PKHD1L1: variants seen among roughly 807,000 people sequenced by gnomAD.
PKHD1L1 encodes PKHD1 like 1.
In PKHD1L1, 434 loss-of-function variants were observed where a neutral mutation model predicts 462.9. The observed-to-expected ratio is 0.94, with a 90% CI of 0.87 to 1.02. The LOEUF (loss-of-function observed/expected upper bound fraction) is 1.02. PKHD1L1 is among the 50% of genes least tolerant of loss of function. The pLI is 0.00. For missense variants in PKHD1L1, 5,202 were observed against 5,096.1 expected (o/e 1.02, Z -0.63); for synonymous variants, 1,781 against 1,750.0 (o/e 1.02, Z -0.44).
At chr8:109,482,929 C>A in intron 56 of PKHD1L1, 58 bp from the exon 57 acceptor site, 2 of 1,000,324 alleles carry the variant, frequency 2.0e-6, no homozygotes, top group Non-Finnish European at 2.8e-6. Flanking sequence ...TCATTTTATA[C>A]TAGCACCTAA....
intron 4 of PKHD1L1, among the ~76,000 whole-genome samples, 155 bp from the exon 5 acceptor site, chr8:109,383,915 A>G (rs1392043522): frequency 6.6e-6 from 1 of 152,164 alleles, no homozygotes; most frequent in African/African-American, 2.4e-5. Context: ...CCTCTAATTT[A>G]ACTCTTAGGT....
chr8:109,465,315 G>T, intron 49 of PKHD1L1, 70 bp downstream of exon 49: 1 of 1,494,444 alleles, frequency 6.7e-7, no homozygotes, highest in Non-Finnish European at 9.0e-7. Context: ...GAATTGAATT[G>T]TTAAAGCAGA....
intron 2 of PKHD1L1, among the ~76,000 whole-genome samples, chr8:109,377,763 GAGAA>G (rs1389222821): frequency 1.3e-5 from 2 of 151,964 alleles, no homozygotes; most frequent in African/African-American, 4.8e-5. Flanking sequence ...TTTTTATTAG[GAGAA>G]CATTTAATTA....
intron 25 of PKHD1L1, among the ~76,000 whole-genome samples, chr8:109,429,014 G>A (rs2130685433): frequency 6.6e-6 from 1 of 152,052 alleles, no homozygotes. Flanking sequence ...AAAAGCATAG[G>A]ACATTTTGAG....
In PKHD1L1 at chr8:109,491,955, A is replaced by G; in HGVS notation, c.10197A>G (p.Arg3399=). ...TTTGGCCAGGAACCTATCAGAACAG[A>G]AAAGATTTAAGTTCAACTCTCTGGC... ...LSVWPGTYQN[R]KDLSSTLWHA... Residue 3399 remains arginine (R), a synonymous_variant, in exon 62 of 78, where the codon AGA becomes AGG. Transcript: ENST00000378402. The G allele has an allele frequency of 1.9e-6, 3 of 1,588,968 alleles. No individual in the cohort carries two copies. In the South Asian group the frequency reaches 3.4e-5, roughly 18 times the overall value.
At chr8:109,494,036 C>A (rs1437549064) in intron 63 of PKHD1L1, among the ~76,000 whole-genome samples, 2 of 151,732 alleles carry the variant, frequency 1.3e-5, no homozygotes, top group African/African-American at 4.8e-5. Flanking sequence ...CTCATCCCAC[C>A]ACCATTTTTA....
chr8:109,400,402 T>C, intron 13 of PKHD1L1, 58 bp downstream of exon 13: 5 of 1,507,102 alleles, frequency 3.3e-6, no homozygotes, highest in Non-Finnish European at 4.5e-6. Context: ...GATATTTATA[T>C]GTATCTTACT....
chr8:109,393,316 C>T lies in PKHD1L1; in HGVS notation c.741-1099C>T, dbSNP rs1232697578. 2.0e-5 allele frequency among the ~76,000 whole-genome samples: 3 copies of T among 151,878 alleles called. No homozygotes were observed. The East Asian group carries it at 5.8e-4, about 29-fold the overall frequency. ...TACATTATTCTTTTAGATTCTAATT[C>T]AGTGTGATTATGATGAATGAGATTT... On this transcript the variant is annotated intron_variant, in intron 9 of 77. Transcript: ENST00000378402.
chr8:109,438,471 A>G lies in PKHD1L1; in HGVS notation c.3760+15A>G, dbSNP rs942340128. 3.4e-5 allele frequency: 52 copies of G among 1,528,692 alleles called. No individual in the cohort carries two copies. Among genetic ancestry groups the G allele is most frequent in the Non-Finnish European group, 4.4e-5 (50 of 1,136,526 alleles). 94.7% of individuals were successfully genotyped at this position (1,528,692 alleles called of 1,614,324 possible). ...AACAATACTAGGTAAGAAATTCTTCAATAAGATTGGTCATTTGTCCTATGT... is the reference window on the plus strand; with the variant it reads ...AACAATACTAGGTAAGAAATTCTTCGATAAGATTGGTCATTTGTCCTATGT... On this transcript the variant is annotated intron_variant, in intron 31 of 77. Coordinates refer to ENST00000378402, the MANE Select transcript of PKHD1L1 (RefSeq NM_177531.6).
At chr8:109,376,324 G>A (rs1197906519) in intron 2 of PKHD1L1, among the ~76,000 whole-genome samples, 2 of 152,236 alleles carry the variant, frequency 1.3e-5, no homozygotes, top group Non-Finnish European at 2.9e-5. Flanking sequence ...ATCTCCTGGT[G>A]TGCCATTTGT....
At chr8:109,448,737 C>T (rs1233080222) in intron 39 of PKHD1L1, among the ~76,000 whole-genome samples, 1 of 151,772 alleles carries the variant, frequency 6.6e-6, no homozygotes, top group Non-Finnish European at 1.5e-5. Flanking sequence ...TAGCACAATA[C>T]AAATACTTTG....
Position 109,497,366 on chromosome 8 carries a change from C to G in PKHD1L1, c.10599+94C>G. 3 of 1,387,606 alleles carry G rather than the reference C, an allele frequency of 2.2e-6. No individual in the cohort carries two copies. The East Asian group carries it at 7.1e-5, about 33-fold the overall frequency. 86.0% of individuals were successfully genotyped at this position (1,387,606 alleles called of 1,614,324 possible). The stretch of plus-strand genomic sequence containing the variant: ...CTAATAAGAATAATCTCCTTAACTT[C>G]TATCTCTGTCTCGCCCACACCTCCC... On this transcript the variant is annotated intron_variant, in intron 65 of 77. Coordinates refer to ENST00000378402, the MANE Select transcript of PKHD1L1 (RefSeq NM_177531.6).
At chr8:109,373,393 C>A (rs1007345504) in intron 2 of PKHD1L1, among the ~76,000 whole-genome samples, 3 of 152,126 alleles carry the variant, frequency 2.0e-5, no homozygotes, top group African/African-American at 7.2e-5. Context: ...ATTCTTCTCT[C>A]TTTTCTTCTT....
intron 9 of PKHD1L1, among the ~76,000 whole-genome samples, chr8:109,393,751 T>A (rs1812817112): frequency 6.6e-6 from 1 of 152,220 alleles, no homozygotes; most frequent in Admixed American, 6.5e-5. Flanking sequence ...TGAAAGTTCT[T>A]AGCATGATCC....
chr8:109,364,260 A>G (rs1811117167), intron 1 of PKHD1L1, among the ~76,000 whole-genome samples: 1 of 152,220 alleles, frequency 6.6e-6, no homozygotes, highest in Non-Finnish European at 1.5e-5. Context: ...AGGATTTAAT[A>G]CGTGTTTTAT....
intron 53 of PKHD1L1, among the ~76,000 whole-genome samples, chr8:109,478,773 A>G (rs1818125747): frequency 6.6e-6 from 1 of 152,150 alleles, no homozygotes; most frequent in Admixed American, 6.6e-5. Flanking sequence ...ATAAAGGTAA[A>G]CTACGATAAA....
chr8:109,370,908 T>C (rs1305980247), intron 2 of PKHD1L1, among the ~76,000 whole-genome samples: 2 of 152,212 alleles, frequency 1.3e-5, no homozygotes, highest in African/African-American at 2.4e-5. Context: ...CAGTCTATCA[T>C]TGTTGGACAT....
At chr8:109,406,236 T>C in intron 16 of PKHD1L1, 99 bp from the exon 17 acceptor site, 1 of 1,240,058 alleles carries the variant, frequency 8.1e-7, no homozygotes, top group South Asian at 1.6e-5. Context: ...GTATAGGTGC[T>C]TTAAAAATAT....
At chr8:109,370,732 C>A (rs1453699038) in intron 2 of PKHD1L1, among the ~76,000 whole-genome samples, 2 of 152,026 alleles carry the variant, frequency 1.3e-5, no homozygotes, top group Non-Finnish European at 2.9e-5. Flanking sequence ...TTGTTTAATT[C>A]CCACCTATGA....
Sources: allele counts gnomAD v4.1 joint callset (sites outside exome capture counted in the v4.1 genomes callset), GRCh38; gene constraint gnomAD v4.1.1; transcripts MANE v1.5; gene names NCBI Gene and HGNC (gene_info 2026-07-23, HGNC 2026-07-21).